The following RNPEP variants were observed in gnomAD, a reference collection of about 807,000 sequenced individuals.
The protein encoded by RNPEP is arginyl aminopeptidase, also known as aminopeptidase B.
A neutral mutation model predicts 70.1 loss-of-function variants in RNPEP; 57 were observed. That is an observed-to-expected ratio of 0.81 (90% CI 0.66 to 1.01). The LOEUF (loss-of-function observed/expected upper bound fraction) is 1.01. Among genes scored for constraint, RNPEP ranks in the 50% least tolerant of loss-of-function variants. The probability of loss-of-function intolerance (pLI) is 0.00; values close to 1 mark genes in which losing one functional copy is unlikely to be tolerated. For synonymous variants in RNPEP, 335 were observed against 357.4 expected (o/e 0.94, Z 0.71); for missense variants, 787 against 852.4 (o/e 0.92, Z 0.96).
chr1:202,002,105 C>A (rs1347202473), intron 8 of RNPEP, among the ~76,000 whole-genome samples: 1 of 152,144 alleles, frequency 6.6e-6, no homozygotes, highest in Non-Finnish European at 1.5e-5. Context: ...ACCCCTCCTA[C>A]AGCCTTCTGA....
At position 201,997,353 on chromosome 1, in the gene RNPEP, T is replaced by C; in HGVS notation, c.889T>C (p.Phe297Leu). 1 of 1,614,022 alleles carries C rather than the reference T, an allele frequency of 6.2e-7. No individual in the cohort carries two copies. The highest frequency in any genetic ancestry group is 1.3e-5 in the African/African-American group (1 of 74,996). ...GCTCTTCATGCCACCGTCCTTTCCA[T>C]TTGGAGGAATGGAGAACCCTTGTCT... ...DLLFMPPSFPFGGMENPCLTF... is the reference protein window; with the variant it reads ...DLLFMPPSFPLGGMENPCLTF... The change falls in exon 5 of 11, where the codon TTT (phenylalanine) becomes CTT (leucine). Residue 297 changes from phenylalanine to leucine, a missense_variant. By Grantham distance (22) the Phe-to-Leu change is conservative (BLOSUM62 0). Coordinates refer to ENST00000295640, the MANE Select transcript of RNPEP (RefSeq NM_020216.4).
chr1:202,000,497 T>C (rs2102979909), intron 6 of RNPEP, among the ~76,000 whole-genome samples: 1 of 152,356 alleles, frequency 6.6e-6, no homozygotes, highest in South Asian at 2.1e-4. Context: ...CTTCATTCCA[T>C]GTGTGACTAA....
intron 3 of RNPEP, among the ~76,000 whole-genome samples, chr1:201,993,412 C>T (rs564913090): frequency 1.4e-4 from 21 of 152,198 alleles, no homozygotes; most frequent in East Asian, 3.9e-4. Context: ...GCCTGGCCAA[C>T]GTGGTGAAAC....
intron 3 of RNPEP, among the ~76,000 whole-genome samples, chr1:201,991,688 A>G (rs1683340713): frequency 6.6e-6 from 1 of 152,208 alleles, no homozygotes; most frequent in Non-Finnish European, 1.5e-5. Flanking sequence ...TTGCAAATCC[A>G]GTGCTCTTTG....
chr1:201,995,976 T>C (rs1204648893), intron 3 of RNPEP, 171 bp from the exon 4 acceptor site: 2 of 594,476 alleles, frequency 3.4e-6, no homozygotes, highest in African/African-American at 3.7e-5. Flanking sequence ...TCAGGTGTGG[T>C]GAGCGGTCTC....
rs1032410256 is a variant in RNPEP, at chr1:202,005,880, T to C, written c.*164T>C. The C allele has an allele frequency of 4.8e-6, 4 of 825,320 alleles. No individual in the cohort carries two copies. The highest frequency in any genetic ancestry group is 1.7e-5 in the African/African-American group (1 of 58,174). 51.1% of individuals were successfully genotyped at this position (825,320 alleles called of 1,614,324 possible). A position where few individuals can be genotyped will look rare whatever the true frequency, so the allele number is the denominator to read the frequency against. ...TGTGACTCTTGGGCCTCTGCTCTGG[T>C]GGGAACTTACTTCTCTATAGCCCAC... On this transcript the variant is annotated 3_prime_UTR_variant, in exon 11 of 11. Coordinates refer to ENST00000295640, the MANE Select transcript of RNPEP (RefSeq NM_020216.4).
At chr1:201,983,690 A>C in intron 1 of RNPEP, 2 of 1,172,404 alleles carry the variant, frequency 1.7e-6, no homozygotes, top group South Asian at 3.3e-5. Flanking sequence ...ATTTGAGTAA[A>C]AGTGAGAACT....
At chr1:201,995,939 C>T (rs1571635100) in intron 3 of RNPEP, 2 of 563,228 alleles carry the variant, frequency 3.6e-6, no homozygotes, top group East Asian at 5.8e-5. Flanking sequence ...GTTCCACCTC[C>T]ATGAGGCTGT....
intron 1 of RNPEP, chr1:201,983,362 T>C: frequency 6.7e-6 from 10 of 1,497,964 alleles, no homozygotes; most frequent in Non-Finnish European, 8.9e-6. Context: ...ACCCTTTCCG[T>C]CCTTCCGCGT....
intron 5 of RNPEP, among the ~76,000 whole-genome samples, chr1:201,998,537 C>T (rs923910499): frequency 2.6e-5 from 4 of 152,170 alleles, no homozygotes; most frequent in African/African-American, 9.7e-5. Flanking sequence ...TGAGCCACTG[C>T]GCCCGGCCCT....
intron 3 of RNPEP, among the ~76,000 whole-genome samples, chr1:201,994,060 C>T (rs1347735662): frequency 6.6e-6 from 1 of 152,154 alleles, no homozygotes; most frequent in Non-Finnish European, 1.5e-5. Context: ...TGCTGTTTTT[C>T]TTCTGCCCCC....
At chr1:201,988,449 C>A (rs1452630974) in intron 1 of RNPEP, among the ~76,000 whole-genome samples, 1 of 114,642 alleles carries the variant, frequency 8.7e-6, no homozygotes, top group Non-Finnish European at 1.7e-5. Context: ...CAGAGCGATA[C>A]TCTGTCTCAA....
intron 1 of RNPEP, among the ~76,000 whole-genome samples, chr1:201,987,710 T>C (rs1683182355): frequency 6.6e-6 from 1 of 150,802 alleles, no homozygotes; most frequent in African/African-American, 2.4e-5. Context: ...AGTGCTGGGA[T>C]TACAGGCGTG....
rs747014214 is a variant in RNPEP, at chr1:201,997,371, C to A, written c.907C>A (p.Pro303Thr). 6.2e-7 allele frequency: 1 copy of A among 1,614,120 alleles called. No individual in the cohort carries two copies. Among genetic ancestry groups the A allele is most frequent in the Non-Finnish European group, 8.5e-7 (1 of 1,180,036 alleles). ...CTTTCCATTTGGAGGAATGGAGAACCCTTGTCTGACCTTTGTCACCCCCTG... is the reference window on the plus strand; with the variant it reads ...CTTTCCATTTGGAGGAATGGAGAACACTTGTCTGACCTTTGTCACCCCCTG... ...PSFPFGGMEN[P>T]CLTFVTPCLL... is the part of the protein sequence containing the mutation. The change falls in exon 5 of 11, where the codon CCT (proline) becomes ACT (threonine). Residue 303 changes from proline to threonine, a missense_variant. Transcript: ENST00000295640.
At chr1:201,988,134 C>T (rs918139023) in intron 1 of RNPEP, among the ~76,000 whole-genome samples, 1 of 138,514 alleles carries the variant, frequency 7.2e-6, no homozygotes, top group African/African-American at 2.7e-5. Context: ...GAGTGAAACT[C>T]TATCTCGAAA....
At chr1:201,996,520 G>C in intron 4 of RNPEP, 1 of 301,460 alleles carries the variant, frequency 3.3e-6, no homozygotes, top group Non-Finnish European at 6.1e-6. Flanking sequence ...TTGAGATGGA[G>C]TCTCGCTCTG....
intron 3 of RNPEP, 114 bp from the exon 4 acceptor site, chr1:201,996,033 A>T: frequency 1.4e-6 from 1 of 737,592 alleles, no homozygotes; most frequent in Non-Finnish European, 2.3e-6. Context: ...ACTGTGGCTG[A>T]CTGCATTGTC....
chr1:201,988,232 G>A (rs893277234), intron 1 of RNPEP, among the ~76,000 whole-genome samples: 45 of 152,038 alleles, frequency 3.0e-4, no homozygotes, highest in African/African-American at 1.0e-3. Context: ...GACTGAGGTG[G>A]GCGGGTTGCT....
intron 3 of RNPEP, among the ~76,000 whole-genome samples, chr1:201,992,316 A>G (rs1683366984): frequency 6.6e-6 from 1 of 152,124 alleles, no homozygotes; most frequent in African/African-American, 2.4e-5. Flanking sequence ...TGCAGGCATG[A>G]GCCACAACAC....
Sources: gnomAD v4.1 joint callset for allele counts (sites outside exome capture counted in the v4.1 genomes callset) on GRCh38, gnomAD v4.1.1 for gene constraint, MANE v1.5 for transcripts, NCBI Gene and HGNC (gene_info 2026-07-23, HGNC 2026-07-21) for gene names.